Variants in ARMC9 observed in about 807,000 individuals in gnomAD.
ARMC9 encodes lisH domain-containing protein ARMC9.
In ARMC9, 94 loss-of-function variants were observed where a neutral mutation model predicts 107.0. That is an observed-to-expected ratio of 0.88 (90% CI 0.74 to 1.04). ARMC9 has a LOEUF of 1.04. Among genes scored for constraint, ARMC9 ranks in the 50% least tolerant of loss-of-function variants. The pLI is 0.00. For synonymous variants in ARMC9, 380 were observed against 396.9 expected (o/e 0.96, Z 0.51); for missense variants, 942 against 1,030.1 (o/e 0.91, Z 1.17).
At chr2:231,306,656 A>G (rs2042051736) in intron 19 of ARMC9, among the ~76,000 whole-genome samples, 1 of 152,202 alleles carries the variant, frequency 6.6e-6, no homozygotes, top group Non-Finnish European at 1.5e-5. Flanking sequence ...AGTTAAATTC[A>G]AGAAGATGGG....
intron 19 of ARMC9, among the ~76,000 whole-genome samples, chr2:231,299,210 G>A (rs2041571005): frequency 6.6e-6 from 1 of 152,130 alleles, no homozygotes; most frequent in Non-Finnish European, 1.5e-5. Context: ...AGCTAGAAAT[G>A]CATCTTCTGA....
chr2:231,337,270 G>GTGTATATATATATA (rs1417267339), intron 20 of ARMC9, among the ~76,000 whole-genome samples: 2 of 76,412 alleles, frequency 2.6e-5, no homozygotes, highest in African/African-American at 1.2e-4. Flanking sequence ...ACGTGTGTGT[G>GTGTATATATATATA]TATATATATA....
intron 9 of ARMC9, among the ~76,000 whole-genome samples, chr2:231,250,991 G>A (rs1267915962): frequency 1.1e-4 from 17 of 152,164 alleles, no homozygotes; most frequent in Admixed American, 1.1e-3. Context: ...GTAAATGTCA[G>A]TGAGTACATC....
chr2:231,294,101 A>C (rs1195200079), intron 18 of ARMC9: 2 of 152,266 alleles, frequency 1.3e-5, no homozygotes, highest in Non-Finnish European at 2.9e-5. Flanking sequence ...AAGTCCAATC[A>C]CAGTCTTCTA....
chr2:231,293,095 C>A (rs1355484965), intron 18 of ARMC9, among the ~76,000 whole-genome samples: 1 of 152,130 alleles, frequency 6.6e-6, no homozygotes, highest in African/African-American at 2.4e-5. Flanking sequence ...AAACCTTTGT[C>A]CTTTTTAGGC....
intron 4 of ARMC9, among the ~76,000 whole-genome samples, chr2:231,215,713 TA>T (rs1250287798): frequency 6.6e-6 from 1 of 152,144 alleles, no homozygotes; most frequent in Non-Finnish European, 1.5e-5. Flanking sequence ...CCCCGTGCAT[TA>T]ATGACTGCCC....
At chr2:231,323,436 G>T (rs187859563) in intron 19 of ARMC9, among the ~76,000 whole-genome samples, 1 of 152,342 alleles carries the variant, frequency 6.6e-6, no homozygotes, top group Admixed American at 6.5e-5. Flanking sequence ...ACCGCAGGTA[G>T]TGGGCTCCTC....
At chr2:231,355,700 A>G in intron 21 of ARMC9, 98 bp from the exon 22 acceptor site, 1 of 1,375,990 alleles carries the variant, frequency 7.3e-7, no homozygotes, top group East Asian at 2.5e-5. Flanking sequence ...ACTTTGAGGC[A>G]CCGCCCCCTC....
At chr2:231,252,256 T>G (rs2037365262) in intron 9 of ARMC9, among the ~76,000 whole-genome samples, 1 of 152,220 alleles carries the variant, frequency 6.6e-6, no homozygotes, top group Non-Finnish European at 1.5e-5. Context: ...GGTAATATTT[T>G]ATTTATTTTT....
In ARMC9 at chr2:231,239,943, A is replaced by T. The variant is rs2036128689; in HGVS notation, c.781A>T (p.Ile261Phe). The stretch of plus-strand genomic sequence containing the variant: ...AGATGTCTTTGTATCCTCCTTGCAG[A>T]TCACCCCTGAGTACCTCCAGAGCGT... ...SLEATVSGKM[I>F]TPEYLQSVCV... The change falls in exon 9 of 25, where the codon ATC becomes TTC. Residue 261 changes from isoleucine (I) to phenylalanine (F), a missense_variant and splice_region_variant. Transcript: ENST00000611582. The T allele has an allele frequency of 6.2e-7, 1 of 1,613,458 alleles. No homozygotes were observed. Among genetic ancestry groups the T allele is most frequent in the Non-Finnish European group, 8.5e-7 (1 of 1,179,508 alleles).
In ARMC9 at chr2:231,360,882, A is replaced by G; in HGVS notation, c.2260A>G (p.Arg754Gly). Reference protein sequence around the residue: ...PQDPGNGVTTRECASAFTCKP... With the variant: ...PQDPGNGVTTGECASAFTCKP... Reference sequence around the variant, plus strand: ...GGACCCAGGCAATGGAGTGACCACCAGGTAAGGGGGATATCACAAGGCCTC... The same window carrying G: ...GGACCCAGGCAATGGAGTGACCACCGGGTAAGGGGGATATCACAAGGCCTC... Residue 754 changes from arginine to glycine, a missense_variant and splice_region_variant, in exon 23 of 25, where the codon AGG becomes GGG. By Grantham distance (125) the Arg-to-Gly change is moderately radical. Coordinates refer to ENST00000611582, the MANE Select transcript of ARMC9 (RefSeq NM_001352754.2). The surrounding 1 kb of genome is among the most constrained non-coding windows in gnomAD (Gnocchi z 4.7). 1 of 1,529,266 alleles carries G rather than the reference A, an allele frequency of 6.5e-7. No homozygotes were observed. Among genetic ancestry groups the G allele is most frequent in the Non-Finnish European group, 8.7e-7 (1 of 1,143,748 alleles). 94.7% of individuals were successfully genotyped at this position (1,529,266 alleles called of 1,614,324 possible).
intron 9 of ARMC9, among the ~76,000 whole-genome samples, chr2:231,241,894 G>A (rs2036332714): frequency 6.6e-6 from 1 of 152,070 alleles, no homozygotes; most frequent in South Asian, 2.1e-4. Context: ...AAGGGAAACA[G>A]GAGCAGTTAC....
At chr2:231,217,644 A>T (rs1283274243) in intron 5 of ARMC9, among the ~76,000 whole-genome samples, 1 of 151,862 alleles carries the variant, frequency 6.6e-6, no homozygotes, top group Non-Finnish European at 1.5e-5. Context: ...TTACATTATC[A>T]CACACAGAAT....
chr2:231,285,087 A>G (rs2040490139), intron 17 of ARMC9, among the ~76,000 whole-genome samples: 1 of 151,894 alleles, frequency 6.6e-6, no homozygotes, highest in African/African-American at 2.4e-5. Flanking sequence ...AATTCCAGCT[A>G]CTCAGGAGGC....
chr2:231,270,967 G>T lies in ARMC9; in HGVS notation c.1120-15G>T. The T allele has an allele frequency of 6.2e-7, 1 of 1,613,278 alleles. No homozygotes were observed. Among genetic ancestry groups the T allele is most frequent in the South Asian group, 1.1e-5 (1 of 91,034 alleles). The stretch of plus-strand genomic sequence containing the variant: ...TGTTCTTAACCTTGTTTTTCCTCTT[G>T]ACGTTTTCCCCCAGAGGAGTGTGCT... On this transcript the variant is annotated splice_polypyrimidine_tract_variant and intron_variant, in intron 12 of 24. Coordinates refer to ENST00000611582, the MANE Select transcript of ARMC9 (RefSeq NM_001352754.2).
Position 231,374,613 on chromosome 2 carries a change from GAAAGA to G in ARMC9, c.*3083_*3087del, listed in dbSNP as rs755990410. On this transcript the variant is annotated 3_prime_UTR_variant, in exon 25 of 25. Transcript: ENST00000611582. Reference sequence around the variant, plus strand: ...TAAGGTTCATGAAAAAAAAAGAAAAGAAAGAAAAGGTAAAGAAAAGAAATCCATGA... The same window carrying G: ...TAAGGTTCATGAAAAAAAAAGAAAAGAAAGGTAAAGAAAAGAAATCCATGA... 2 of 150,440 alleles carry G rather than the reference GAAAGA, an allele frequency of 1.3e-5. No individual in the cohort carries two copies. Among genetic ancestry groups the G allele is most frequent in the East Asian group, 2.0e-4 (1 of 5,108 alleles). 9.3% of individuals were successfully genotyped at this position (150,440 alleles called of 1,614,324 possible).
At chr2:231,239,169 A>G (rs2036049984) in intron 8 of ARMC9, among the ~76,000 whole-genome samples, 1 of 152,194 alleles carries the variant, frequency 6.6e-6, no homozygotes, top group South Asian at 2.1e-4. Flanking sequence ...GGTGGGATTC[A>G]GGAGAGGTTG....
At chr2:231,298,472 T>C (rs60355064) in intron 19 of ARMC9, among the ~76,000 whole-genome samples, 6,765 of 152,296 alleles carry the variant, frequency 0.044, 407 homozygotes, top group African/African-American at 0.14. Flanking sequence ...TGTTGGAATG[T>C]GGTTATCACT....
At chr2:231,270,401 A>AT (rs1169586112) in intron 12 of ARMC9, 1 of 350,084 alleles carries the variant, frequency 2.9e-6, no homozygotes, top group African/African-American at 2.2e-5. Context: ...ACTTTAATTC[A>AT]TTCGTCTTTA....
Sources: gnomAD v4.1 joint callset for allele counts (sites outside exome capture counted in the v4.1 genomes callset) on GRCh38, gnomAD v4.1.1 for gene constraint, Gnocchi (gnomAD v3.1) non-coding constraint, MANE v1.5 for transcripts, NCBI Gene and HGNC (gene_info 2026-07-23, HGNC 2026-07-21) for gene names.